Variants in RELN observed in about 807,000 individuals in gnomAD.
RELN encodes the protein reelin.
A neutral mutation model predicts 427.6 loss-of-function variants in RELN; 108 were observed. The observed-to-expected ratio is 0.25, with a 90% CI of 0.22 to 0.30. The LOEUF (loss-of-function observed/expected upper bound fraction) is 0.30, where lower values mean the gene tolerates loss of function less well. RELN is among the 10% of genes least tolerant of loss of function. The pLI, the probability that RELN is intolerant of heterozygous loss-of-function variation, is 1.00. For synonymous variants in RELN, 1,524 were observed against 1,513.4 expected, an observed-to-expected ratio of 1.01 and a Z score of -0.16; for missense variants, 3,715 against 4,302.8, an observed-to-expected ratio of 0.86 and a Z score of 3.82.
Position 103,577,558 on chromosome 7 carries a change from C to CAAAAAA in RELN, c.4146-1859_4146-1854dup, listed in dbSNP as rs11323336. Among the ~76,000 whole-genome samples the CAAAAAA allele has an allele frequency of 3.5e-5, 4 of 113,602 alleles. No individual in the cohort carries two copies. In the South Asian group the frequency reaches 8.2e-4, roughly 23 times the overall value. 74.5% of individuals were successfully genotyped at this position (113,602 alleles called of 152,430 possible). On this transcript the variant is annotated intron_variant, in intron 28 of 64. Coordinates refer to ENST00000428762, the MANE Select transcript of RELN (RefSeq NM_005045.4). ...GAAGTTTAGAAAAACAAAGCAAAAG[C>CAAAAAA]AAAAAAAAAAAAAAAAAGTACAATT...
At chr7:103,691,300 T>G (rs1833865824) in intron 10 of RELN, among the ~76,000 whole-genome samples, 1 of 152,100 alleles carries the variant, frequency 6.6e-6, no homozygotes, top group Admixed American at 6.6e-5. Context: ...TAAACAAGAA[T>G]AGGCTCAGAT....
intron 4 of RELN, among the ~76,000 whole-genome samples, chr7:103,775,718 C>T (rs1462163209): frequency 1.3e-5 from 2 of 152,086 alleles, no homozygotes; most frequent in Admixed American, 6.5e-5. Flanking sequence ...TATCAAGATG[C>T]TGAAATCAAG....
intron 11 of RELN, among the ~76,000 whole-genome samples, chr7:103,661,794 TGATCA>T (rs2117414059): frequency 6.6e-6 from 1 of 152,340 alleles, no homozygotes; most frequent in African/African-American, 2.4e-5. Flanking sequence ...TGTCTACTTG[TGATCA>T]GAGCCATGCT....
intron 28 of RELN, among the ~76,000 whole-genome samples, chr7:103,580,788 C>T (rs1831113201): frequency 6.6e-6 from 1 of 152,194 alleles, no homozygotes; most frequent in Non-Finnish European, 1.5e-5. Flanking sequence ...CGCCTTTCAT[C>T]CTCCTTCAGC....
At chr7:103,665,388 T>C (rs1833242345) in intron 11 of RELN, among the ~76,000 whole-genome samples, 1 of 151,596 alleles carries the variant, frequency 6.6e-6, no homozygotes, top group African/African-American at 2.4e-5. Flanking sequence ...ATATAAAATC[T>C]GTATATGTAA....
chr7:103,560,734 C>A (rs1830623896), intron 36 of RELN, among the ~76,000 whole-genome samples: 1 of 152,188 alleles, frequency 6.6e-6, no homozygotes, highest in South Asian at 2.1e-4. Context: ...GTAAATCTCT[C>A]TCAGGCCCTA....
intron 1 of RELN, among the ~76,000 whole-genome samples, chr7:103,936,099 C>CTTT (rs57827486): frequency 0.067 from 9,644 of 142,942 alleles, 609 homozygotes; most frequent in East Asian, 0.21. Context: ...GCTTCAATGG[C>CTTT]TTTTTTTTTT....
chr7:103,944,492 T>C (rs1322563628), intron 1 of RELN, among the ~76,000 whole-genome samples: 2 of 152,174 alleles, frequency 1.3e-5, no homozygotes, highest in African/African-American at 4.8e-5. Context: ...ATACATTACA[T>C]TGGATTACGT....
intron 1 of RELN, among the ~76,000 whole-genome samples, chr7:103,986,114 A>T (rs994439929): frequency 2.0e-5 from 3 of 152,218 alleles, no homozygotes; most frequent in African/African-American, 7.2e-5. Context: ...ATTCAACATG[A>T]TGTATAGAGA....
intron 2 of RELN, among the ~76,000 whole-genome samples, chr7:103,905,100 C>T (rs1170905535): frequency 6.6e-6 from 1 of 150,684 alleles, no homozygotes; most frequent in Non-Finnish European, 1.5e-5. Flanking sequence ...CCTGTCTCAG[C>T]CTCCTGAGTT....
chr7:103,496,525 CCAT>C lies in RELN; in HGVS notation c.9191_9193del (p.Asp3064del), dbSNP rs1828846175. Reference sequence around the variant, plus strand: ...AAATTGTTCAATGTCTTGTTTCTTACCATCATCAAAAGTGTCCACCAATTGGCT... The same window carrying C: ...AAATTGTTCAATGTCTTGTTTCTTACCATCAAAAGTGTCCACCAATTGGCT... On this transcript the variant is annotated inframe_deletion and splice_region_variant, in exon 56 of 65. Coordinates refer to ENST00000428762, the MANE Select transcript of RELN (RefSeq NM_005045.4). 15 of 1,613,930 alleles carry C rather than the reference CCAT, an allele frequency of 9.3e-6. No homozygotes were observed. The highest frequency in any genetic ancestry group is 1.3e-5 in the Non-Finnish European group (15 of 1,179,984).
chr7:103,816,899 TG>T (rs1469571763), intron 3 of RELN, among the ~76,000 whole-genome samples: 2 of 152,176 alleles, frequency 1.3e-5, no homozygotes, highest in Non-Finnish European at 2.9e-5. Flanking sequence ...ATGCCCAGGC[TG>T]GAGTGCAATG....
chr7:103,818,127 A>C (rs1258639871), intron 3 of RELN, among the ~76,000 whole-genome samples: 1 of 152,106 alleles, frequency 6.6e-6, no homozygotes, highest in Non-Finnish European at 1.5e-5. Context: ...TTATATTCAA[A>C]GTATACAGTT....
intron 28 of RELN, among the ~76,000 whole-genome samples, chr7:103,589,169 G>C (rs966107233): frequency 6.6e-6 from 1 of 152,196 alleles, no homozygotes; most frequent in Non-Finnish European, 1.5e-5. Context: ...TGAGGTTTTT[G>C]ATCAACCTCA....
In RELN at chr7:103,794,680, C is replaced by A. The variant is rs183204573; in HGVS notation, c.474-18053G>T. On this transcript the variant is annotated intron_variant, in intron 3 of 64. Coordinates refer to ENST00000428762, the MANE Select transcript of RELN (RefSeq NM_005045.4). The stretch of plus-strand genomic sequence containing the variant: ...TCATTTACAAACTGAACAGGCAGAG[C>A]TTCTCAACCTTAGCACTACTGCACT... 2.0e-5 allele frequency among the ~76,000 whole-genome samples: 3 copies of A among 152,286 alleles called. No individual in the cohort carries two copies. In the East Asian group the frequency reaches 5.8e-4, roughly 29 times the overall value.
chr7:103,552,909 G>T (rs541781692), intron 40 of RELN, among the ~76,000 whole-genome samples: 2 of 152,170 alleles, frequency 1.3e-5, no homozygotes, highest in South Asian at 2.1e-4. Flanking sequence ...CTTTGGTTCT[G>T]CTGATTTTAT....
At chr7:103,636,194 G>C (rs550455821) in intron 18 of RELN, 41 bp downstream of exon 18, 1 of 1,265,416 alleles carries the variant, frequency 7.9e-7, no homozygotes, top group Non-Finnish European at 1.2e-6. Flanking sequence ...TTCAACATTA[G>C]TATCTGGTTT....
intron 6 of RELN, among the ~76,000 whole-genome samples, chr7:103,728,729 C>A (rs1790276535): frequency 6.6e-6 from 1 of 152,040 alleles, no homozygotes; most frequent in Non-Finnish European, 1.5e-5. Context: ...AAACATTTTT[C>A]TTTGGAGTTA....
At chr7:103,967,553 C>T (rs1404737501) in intron 1 of RELN, among the ~76,000 whole-genome samples, 1 of 152,128 alleles carries the variant, frequency 6.6e-6, no homozygotes, top group African/African-American at 2.4e-5. Flanking sequence ...TTTCAAGACA[C>T]AATTCTCCAC....
Sources: allele counts gnomAD v4.1 joint callset (sites outside exome capture counted in the v4.1 genomes callset), GRCh38; gene constraint gnomAD v4.1.1; transcripts MANE v1.5; gene names NCBI Gene and HGNC (gene_info 2026-07-23, HGNC 2026-07-21).